The following TUSC3 variants were observed in gnomAD, a reference collection of about 807,000 sequenced individuals.
The protein encoded by TUSC3 is dolichyl-diphosphooligosaccharide--protein glycosyltransferase subunit TUSC3.
TUSC3 carries 45 observed loss-of-function variants against 44.8 expected under a neutral mutation model. The ratio of observed to expected loss-of-function variants is 1.00; its 90% confidence interval spans 0.79 to 1.29. The LOEUF (loss-of-function observed/expected upper bound fraction) is 1.29. Among genes scored for constraint, TUSC3 ranks in the 50% most tolerant of loss-of-function variants. The pLI is 0.00. For missense variants in TUSC3, 519 were observed against 437.9 expected (o/e 1.19, Z -1.65); for synonymous variants, 212 against 152.9 (o/e 1.39, Z -2.85).
intron 1 of TUSC3, among the ~76,000 whole-genome samples, chr8:15,458,713 A>C (rs114177165): frequency 6.6e-6 from 1 of 152,184 alleles, no homozygotes; most frequent in African/African-American, 2.4e-5. Context: ...TTCAAGATAA[A>C]TGAACTAATT....
In TUSC3 at chr8:15,624,127, C is replaced by T. The variant is rs112638625; in HGVS notation, c.308+878C>T. 6.0e-3 allele frequency among the ~76,000 whole-genome samples: 914 copies of T among 152,220 alleles called. 12 individuals carry two copies. The highest frequency in any genetic ancestry group is 0.015 in the African/African-American group (633 of 41,538). On this transcript the variant is annotated intron_variant, in intron 2 of 10. Coordinates refer to ENST00000503731, the MANE Select transcript of TUSC3 (RefSeq NM_006765.4). The stretch of plus-strand genomic sequence containing the variant: ...TCAGCCGTAATTCCCTAAAAAAATA[C>T]GTCCAAGTTGTTATATTTATCAATA...
At chr8:15,728,715 A>G (rs1810596661) in intron 6 of TUSC3, among the ~76,000 whole-genome samples, 1 of 152,198 alleles carries the variant, frequency 6.6e-6, no homozygotes, top group African/African-American at 2.4e-5. Flanking sequence ...CAATATAGAC[A>G]TAATTAAAGC....
intron 2 of TUSC3, among the ~76,000 whole-genome samples, chr8:15,526,284 C>T (rs966635123): frequency 1.3e-5 from 2 of 152,122 alleles, no homozygotes; most frequent in Non-Finnish European, 2.9e-5. Context: ...CTGCCCGCCT[C>T]GGCCTCCCAA....
chr8:15,710,690 C>G (rs1162604261), intron 6 of TUSC3, among the ~76,000 whole-genome samples: 3 of 151,282 alleles, frequency 2.0e-5, no homozygotes, highest in African/African-American at 7.3e-5. Flanking sequence ...AGCAAGATTC[C>G]CAGGTTATTT....
intron 1 of TUSC3, among the ~76,000 whole-genome samples, chr8:15,471,658 C>T (rs138425833): frequency 2.7e-5 from 4 of 150,300 alleles, no homozygotes; most frequent in African/African-American, 9.8e-5. Context: ...GCTGTTTTCA[C>T]CCAGGCTGGA....
At chr8:15,826,598 A>G in the TUSC3 span, among the ~76,000 whole-genome samples, 1 of 152,094 alleles carries the variant, frequency 6.6e-6, no homozygotes, top group Admixed American at 6.6e-5. Flanking sequence ...TTTTAAGGTA[A>G]AGTGCTGCTA....
intron 2 of TUSC3, among the ~76,000 whole-genome samples, chr8:15,527,331 C>T (rs60652479): frequency 2.0e-5 from 3 of 152,114 alleles, no homozygotes; most frequent in Non-Finnish European, 4.4e-5. Flanking sequence ...ATTCTTCTTC[C>T]TCCACCTCCC....
In TUSC3 at chr8:15,660,565, C is replaced by T. The variant is rs376841794; in HGVS notation, c.567+918C>T. On this transcript the variant is annotated intron_variant, in intron 4 of 10. Transcript: ENST00000503731. ...CAGTTATTTTAAAAGTACGTTCGTG[C>T]AGGCAGTAATACAGAAGCATTAATT... Among the ~76,000 whole-genome samples, 30 of 152,008 alleles carry T rather than the reference C, an allele frequency of 2.0e-4. 1 individual carries two copies. The highest frequency in any genetic ancestry group is 9.2e-4 in the Admixed American group (14 of 15,242).
At position 15,419,153 on chromosome 8, in the gene TUSC3, G is replaced by A. The variant is rs116768270; in HGVS notation, n.91+1848G>A. ...AAGAAGTCCATTTTGTCTCATCTCT[G>A]CGAATAAAGAACCTGAATGTAACTG... On this transcript the variant is annotated intron_variant and non_coding_transcript_variant, in intron 1 of 5. Transcript: ENST00000503191. 8.9e-3 allele frequency among the ~76,000 whole-genome samples: 1,354 copies of A among 152,246 alleles called. 24 individuals carry two copies. The highest frequency in any genetic ancestry group is 0.03 in the African/African-American group (1,262 of 41,534).
At chr8:15,664,984 C>T (rs978338226) in intron 5 of TUSC3, among the ~76,000 whole-genome samples, 4 of 151,304 alleles carry the variant, frequency 2.6e-5, no homozygotes, top group African/African-American at 7.3e-5. Context: ...TGTAATTTTT[C>T]GTATCCTACT....
At chr8:15,599,118 C>T (rs1352274559) in intron 1 of TUSC3, among the ~76,000 whole-genome samples, 4 of 151,808 alleles carry the variant, frequency 2.6e-5, no homozygotes, top group African/African-American at 4.8e-5. Flanking sequence ...GTTGTCAGTG[C>T]TCTGGATTTT....
At chr8:15,704,038 A>G (rs995828023) in intron 6 of TUSC3, among the ~76,000 whole-genome samples, 3 of 152,138 alleles carry the variant, frequency 2.0e-5, no homozygotes, top group Admixed American at 6.6e-5. Flanking sequence ...CAGACAGTGA[A>G]AAAGCAAATA....
intron 1 of TUSC3, among the ~76,000 whole-genome samples, chr8:15,472,199 T>C (rs191235203): frequency 4.4e-4 from 67 of 152,282 alleles, no homozygotes; most frequent in African/African-American, 1.3e-3. Flanking sequence ...ATACAAGTCT[T>C]AACTTAATGC....
intron 1 of TUSC3, among the ~76,000 whole-genome samples, chr8:15,459,550 A>AT: frequency 6.6e-6 from 1 of 151,930 alleles, no homozygotes; most frequent in Admixed American, 6.6e-5. Context: ...GATTTGTGAG[A>AT]TTTTGGTGCA....
At chr8:15,481,114 G>A (rs557673039) in intron 1 of TUSC3, among the ~76,000 whole-genome samples, 1 of 152,108 alleles carries the variant, frequency 6.6e-6, no homozygotes, top group East Asian at 1.9e-4. Flanking sequence ...CCAGTGTGGT[G>A]GTGCATGACT....
At chr8:15,595,824 T>C (rs1804044774) in intron 1 of TUSC3, among the ~76,000 whole-genome samples, 1 of 152,122 alleles carries the variant, frequency 6.6e-6, no homozygotes, top group Non-Finnish European at 1.5e-5. Flanking sequence ...AAAATAGACT[T>C]AAGATAATTT....
At chr8:15,468,718 A>G (rs1800446520) in intron 1 of TUSC3, among the ~76,000 whole-genome samples, 1 of 152,184 alleles carries the variant, frequency 6.6e-6, no homozygotes, top group Non-Finnish European at 1.5e-5. Context: ...ACAGAAGCAG[A>G]GAAAAATCAC....
chr8:15,824,419 C>G, the TUSC3 span, among the ~76,000 whole-genome samples: 2 of 152,088 alleles, frequency 1.3e-5, no homozygotes, highest in African/African-American at 2.4e-5. Flanking sequence ...TCTTAAAAAT[C>G]TATAAAGATG....
chr8:15,650,605 C>A, intron 2 of TUSC3, 92 bp from the exon 3 acceptor site: 1 of 1,042,120 alleles, frequency 9.6e-7, no homozygotes, highest in Non-Finnish European at 1.5e-6. Flanking sequence ...AAAAACTGGC[C>A]AGTGCTTGTC....
Sources: gnomAD v4.1 joint callset for allele counts (sites outside exome capture counted in the v4.1 genomes callset) on GRCh38, gnomAD v4.1.1 for gene constraint, MANE v1.5 for transcripts, NCBI Gene and HGNC (gene_info 2026-07-23, HGNC 2026-07-21) for gene names.